SLC25A21: variants seen among roughly 807,000 people sequenced by gnomAD.
The protein encoded by SLC25A21 is solute carrier family 25 member 21, also known as mitochondrial 2-oxodicarboxylate carrier.
SLC25A21 carries 47 observed loss-of-function variants against 43.8 expected under a neutral mutation model. That is an observed-to-expected ratio of 1.07 (90% CI 0.85 to 1.37). The LOEUF (loss-of-function observed/expected upper bound fraction) is 1.37. Ranked by LOEUF, SLC25A21 falls within the 40% of genes most tolerant of loss-of-function variation. SLC25A21 has a pLI of 0.00. For missense variants in SLC25A21, 352 were observed against 350.2 expected, an observed-to-expected ratio of 1.00 and a Z score of -0.04; for synonymous variants, 131 against 121.3, an observed-to-expected ratio of 1.08 and a Z score of -0.52.
chr14:36,810,028 C>T (rs538945402), intron 3 of SLC25A21, among the ~76,000 whole-genome samples: 38 of 151,960 alleles, frequency 2.5e-4, no homozygotes, highest in African/African-American at 6.0e-4. Context: ...TTTTTTCTTT[C>T]GTTTAACCCA....
At chr14:36,863,301 T>C (rs945928141) in intron 2 of SLC25A21, among the ~76,000 whole-genome samples, 5 of 152,140 alleles carry the variant, frequency 3.3e-5, no homozygotes, top group African/African-American at 1.2e-4. Flanking sequence ...GAACACACCT[T>C]ACCTTATTAG....
At chr14:36,929,201 G>A (rs1230941178) in intron 1 of SLC25A21, among the ~76,000 whole-genome samples, 2 of 152,094 alleles carry the variant, frequency 1.3e-5, no homozygotes, top group Non-Finnish European at 2.9e-5. Context: ...CCCCAGAAAA[G>A]GGTAAAACTA....
At chr14:37,055,216 C>T (rs1463950008) in intron 1 of SLC25A21, among the ~76,000 whole-genome samples, 3 of 152,166 alleles carry the variant, frequency 2.0e-5, no homozygotes, top group Non-Finnish European at 4.4e-5. Flanking sequence ...AGAAATTAAA[C>T]CCAAGGAATT....
At chr14:37,056,633 T>A (rs1309868818) in intron 1 of SLC25A21, among the ~76,000 whole-genome samples, 1 of 152,152 alleles carries the variant, frequency 6.6e-6, no homozygotes, top group African/African-American at 2.4e-5. Flanking sequence ...TCCCAGCAGA[T>A]CCACACACAG....
chr14:37,002,388 C>T (rs1420233349), intron 1 of SLC25A21, among the ~76,000 whole-genome samples: 1 of 152,172 alleles, frequency 6.6e-6, no homozygotes, highest in African/African-American at 2.4e-5. Flanking sequence ...TATCCAAATA[C>T]TTCTGTGGAA....
chr14:37,035,394 G>C (rs1238018988), intron 1 of SLC25A21, among the ~76,000 whole-genome samples: 1 of 152,204 alleles, frequency 6.6e-6, no homozygotes, highest in Non-Finnish European at 1.5e-5. Flanking sequence ...CTTCACGAGA[G>C]TAGCTATAAT....
chr14:37,087,277 A>G (rs544568834), intron 1 of SLC25A21, among the ~76,000 whole-genome samples: 114 of 152,336 alleles, frequency 7.5e-4, no homozygotes, highest in Middle Eastern at 3.4e-3. Context: ...ATTTTCCATC[A>G]TCTGAATAAA....
At chr14:37,164,581 T>G (rs573262896) in intron 1 of SLC25A21, among the ~76,000 whole-genome samples, 1 of 152,188 alleles carries the variant, frequency 6.6e-6, no homozygotes, top group Non-Finnish European at 1.5e-5. Flanking sequence ...TACCCCCTGG[T>G]GTATCAGCCC....
chr14:36,728,702 A>T (rs546097206), intron 5 of SLC25A21, among the ~76,000 whole-genome samples: 1 of 152,336 alleles, frequency 6.6e-6, no homozygotes, highest in South Asian at 2.1e-4. Context: ...ATTTGGCAGA[A>T]TACATATCTC....
At chr14:37,051,933 C>A (rs1236911497) in intron 1 of SLC25A21, among the ~76,000 whole-genome samples, 2 of 152,118 alleles carry the variant, frequency 1.3e-5, no homozygotes, top group South Asian at 4.1e-4. Flanking sequence ...CGGCAGCCGG[C>A]GGGCACACAA....
chr14:36,782,859 G>A (rs1288846492), intron 3 of SLC25A21, among the ~76,000 whole-genome samples: 5 of 150,596 alleles, frequency 3.3e-5, no homozygotes, highest in African/African-American at 4.9e-5. Flanking sequence ...GCTAGATGAC[G>A]AGTTAGTGGG....
chr14:37,121,657 G>A (rs2138891901), intron 1 of SLC25A21, among the ~76,000 whole-genome samples: 1 of 151,946 alleles, frequency 6.6e-6, no homozygotes, highest in South Asian at 2.1e-4. Context: ...GTGTGGTGGT[G>A]GGTGCCTGTA....
intron 1 of SLC25A21, among the ~76,000 whole-genome samples, chr14:37,055,832 A>C (rs1014263068): frequency 2.0e-5 from 3 of 152,208 alleles, no homozygotes; most frequent in Non-Finnish European, 2.9e-5. Flanking sequence ...TCTAGAAAAT[A>C]ACATATCTAA....
chr14:36,739,065 T>C (rs1039877344), intron 3 of SLC25A21, among the ~76,000 whole-genome samples: 3 of 152,210 alleles, frequency 2.0e-5, no homozygotes, highest in African/African-American at 7.2e-5. Flanking sequence ...CTATACTGTA[T>C]AGCTTTTTTT....
chr14:36,870,090 G>T (rs1262048286), intron 2 of SLC25A21, among the ~76,000 whole-genome samples: 1 of 152,162 alleles, frequency 6.6e-6, no homozygotes, highest in Non-Finnish European at 1.5e-5. Context: ...GTTCAGCAGT[G>T]AACAATGTTT....
At chr14:36,921,735 T>C (rs774040145) in intron 1 of SLC25A21, among the ~76,000 whole-genome samples, 9 of 152,228 alleles carry the variant, frequency 5.9e-5, no homozygotes, top group Non-Finnish European at 8.8e-5. Flanking sequence ...GATTATGTTC[T>C]GGGATGTTAG....
chr14:37,088,188 C>T (rs1962520552), intron 1 of SLC25A21, among the ~76,000 whole-genome samples: 1 of 152,028 alleles, frequency 6.6e-6, no homozygotes, highest in Non-Finnish European at 1.5e-5. Context: ...AGTCAGATGG[C>T]CTTTCATTTT....
Position 36,979,185 on chromosome 14 carries a change from A to G in SLC25A21, c.71-104181T>C, listed in dbSNP as rs536357003. Among the ~76,000 whole-genome samples the G allele has an allele frequency of 2.0e-5, 3 of 152,276 alleles. No individual in the cohort carries two copies. In the South Asian group the frequency reaches 6.2e-4, roughly 32 times the overall value. On this transcript the variant is annotated intron_variant, in intron 1 of 9. Transcript: ENST00000331299. ...ACTCAAGAAATTTCCTGGTCCTTTG[A>G]GCTACTCAAACGAACTAGAAAATGG...
intron 1 of SLC25A21, among the ~76,000 whole-genome samples, chr14:36,963,964 A>G (rs539288837): frequency 6.6e-6 from 1 of 152,068 alleles, no homozygotes; most frequent in Admixed American, 6.5e-5. Context: ...TTGAAATTGT[A>G]TGTTTGCTTA....
Sources: allele counts gnomAD v4.1 joint callset (sites outside exome capture counted in the v4.1 genomes callset), GRCh38; gene constraint gnomAD v4.1.1; transcripts MANE v1.5; gene names NCBI Gene and HGNC (gene_info 2026-07-23, HGNC 2026-07-21).